Variants in TRDN observed in about 807,000 individuals in gnomAD.
The protein encoded by TRDN is triadin, also known as triadin in skeletal muscle.
Under a neutral mutation model 149.7 loss-of-function variants are expected in TRDN, and 161 were observed. The ratio of observed to expected loss-of-function variants is 1.08; its 90% CI spans 0.95 to 1.23. TRDN has a LOEUF of 1.23. Among genes scored for constraint, TRDN ranks in the 50% most tolerant of loss-of-function variants. The pLI is 0.00. For synonymous variants in TRDN, 294 were observed against 250.5 expected, an observed-to-expected ratio of 1.17 and a Z score of -1.64; for missense variants, 896 against 823.5, an observed-to-expected ratio of 1.09 and a Z score of -1.08.
chr6:123,260,564 C>G, intron 34 of TRDN, 48 bp downstream of exon 34: 1 of 1,445,054 alleles, frequency 6.9e-7, no homozygotes. Context: ...AATTTACATA[C>G]TGTTTCCACA....
Position 123,230,531 on chromosome 6 carries a change from TATAATA to T in TRDN, c.1976-6406_1976-6401del, listed in dbSNP as rs72156427. 4.5e-4 allele frequency among the ~76,000 whole-genome samples: 67 copies of T among 148,676 alleles called. 1 individual carries two copies. Among genetic ancestry groups the T allele is most frequent in the African/African-American group, 1.1e-3 (46 of 40,578 alleles). ...TGCACATATACCCTAGAACTTAAAG[TATAATA>T]ATAATAATAATAATAATAAAAAGAA... On this transcript the variant is annotated intron_variant, in intron 38 of 40. Transcript: ENST00000334268.
intron 9 of TRDN, chr6:123,470,234 T>G (rs1277251417): frequency 1.3e-5 from 2 of 152,194 alleles, no homozygotes; most frequent in Non-Finnish European, 2.9e-5. Flanking sequence ...GATACAATAA[T>G]GTATATGATG....
chr6:123,542,834 TTCTC>T (rs912697613), intron 4 of TRDN, among the ~76,000 whole-genome samples: 3 of 149,296 alleles, frequency 2.0e-5, no homozygotes, highest in Non-Finnish European at 3.0e-5. Context: ...CCCTTTTTCT[TTCTC>T]TCTGAGTGTG....
rs79374117 is a variant in TRDN at position 123,442,640 on chromosome 6, G to A, written c.932-3637C>T. Among the ~76,000 whole-genome samples, 511 of 151,594 alleles carry A rather than the reference G, an allele frequency of 3.4e-3. 22 individuals are homozygous for A. In the East Asian group the frequency reaches 0.091, roughly 27 times the overall value. Reference sequence around the variant, plus strand: ...CTAAAATGCCTGGAACAGAGTAGATGTAGAAAAATAATGATAATAATGACA... The same window carrying A: ...CTAAAATGCCTGGAACAGAGTAGATATAGAAAAATAATGATAATAATGACA... On this transcript the variant is annotated intron_variant, in intron 10 of 40. Coordinates refer to ENST00000334268, the MANE Select transcript of TRDN (RefSeq NM_006073.4).
At chr6:123,472,054 C>A (rs1777181495) in intron 9 of TRDN, among the ~76,000 whole-genome samples, 1 of 152,186 alleles carries the variant, frequency 6.6e-6, no homozygotes, top group South Asian at 2.1e-4. Flanking sequence ...AAAGGTCATG[C>A]ATTGAGAACA....
intron 12 of TRDN, among the ~76,000 whole-genome samples, chr6:123,414,819 T>C (rs1209205777): frequency 1.3e-5 from 2 of 152,272 alleles, no homozygotes; most frequent in East Asian, 1.9e-4. Flanking sequence ...CCTAGGATTA[T>C]TACTGATTTC....
In TRDN at chr6:123,548,503, G is replaced by C; in HGVS notation, c.342C>G (p.Ile114Met). The C allele has an allele frequency of 6.3e-7, 1 of 1,578,112 alleles. No individual in the cohort carries two copies. Among genetic ancestry groups the C allele is most frequent in the Non-Finnish European group, 8.6e-7 (1 of 1,161,114 alleles). ...YGFFSLLSDI[I>M]SSEDEEDDDG... ...CATCATCTTCTTCATCTTCAGATGA[G>C]ATGATGTCAGATAACAAAGAAAAGA... The change falls in exon 3 of 41, where the codon ATC becomes ATG. Residue 114 changes from isoleucine to methionine, a missense_variant. By Grantham distance (10) the Ile-to-Met change is conservative (BLOSUM62 1). Coordinates refer to ENST00000334268, the MANE Select transcript of TRDN (RefSeq NM_006073.4).
At chr6:123,289,423 C>G (rs1008856543) in intron 24 of TRDN, among the ~76,000 whole-genome samples, 2 of 151,812 alleles carry the variant, frequency 1.3e-5, no homozygotes, top group Admixed American at 6.6e-5. Context: ...GTTCTCATGG[C>G]GATCACAGTC....
chr6:123,227,455 A>G (rs1027380181), intron 38 of TRDN, among the ~76,000 whole-genome samples: 1 of 151,852 alleles, frequency 6.6e-6, no homozygotes, highest in African/African-American at 2.4e-5. Context: ...TCAATTCTCT[A>G]TGGGTTGAAC....
At chr6:123,593,542 C>A (rs1372163201) in intron 1 of TRDN, among the ~76,000 whole-genome samples, 2 of 152,194 alleles carry the variant, frequency 1.3e-5, no homozygotes, top group Non-Finnish European at 2.9e-5. Flanking sequence ...TGATAGGGTT[C>A]TTTCTGAGGC....
chr6:123,302,688 G>C (rs1369483826), intron 24 of TRDN, among the ~76,000 whole-genome samples: 1 of 152,142 alleles, frequency 6.6e-6, no homozygotes, highest in Non-Finnish European at 1.5e-5. Flanking sequence ...TGTGGCAAGA[G>C]AGAAGCTTGA....
intron 9 of TRDN, among the ~76,000 whole-genome samples, chr6:123,491,203 C>G (rs1442509852): frequency 6.7e-6 from 1 of 149,196 alleles, no homozygotes; most frequent in South Asian, 2.2e-4. Flanking sequence ...TTCTTTTCAA[C>G]AAAATTATGG....
rs1010474438 is a variant in TRDN at position 123,529,068 on chromosome 6, C to G, written c.484+1438G>C. 19 of 1,424,996 alleles carry G rather than the reference C, an allele frequency of 1.3e-5. No homozygotes were observed. The Admixed American group carries it at 5.3e-4, about 40-fold the overall frequency. The allele number at this position is 1,424,996 out of a possible 1,614,324, so 88.3% of individuals were successfully genotyped here. ...CTGCTCGGTCTTTGACATCAGAATT[C>G]TAATATAGCCAGGTCCAAAATGCAA... On this transcript the variant is annotated intron_variant, in intron 5 of 40. Coordinates refer to ENST00000334268, the MANE Select transcript of TRDN (RefSeq NM_006073.4).
chr6:123,358,648 T>TGTTTTGTTTC (rs1780785544), intron 20 of TRDN, among the ~76,000 whole-genome samples: 1 of 151,776 alleles, frequency 6.6e-6, no homozygotes, highest in South Asian at 2.1e-4. Flanking sequence ...TGTATTGTTT[T>TGTTTTGTTTC]GTTTTGTTTG....
intron 1 of TRDN, among the ~76,000 whole-genome samples, chr6:123,634,297 C>T (rs974094644): frequency 1.3e-5 from 2 of 151,384 alleles, no homozygotes; most frequent in African/African-American, 4.9e-5. Context: ...AAAAATTAGC[C>T]AGGCATGGTG....
At chr6:123,373,673 C>A (rs956493844) in intron 19 of TRDN, among the ~76,000 whole-genome samples, 3 of 151,996 alleles carry the variant, frequency 2.0e-5, no homozygotes, top group Non-Finnish European at 2.9e-5. Context: ...TGACTTTAAC[C>A]CTGTCAATCT....
At chr6:123,503,608 C>T (rs756484646) in intron 8 of TRDN, 111 bp downstream of exon 8, 20 of 1,527,578 alleles carry the variant, frequency 1.3e-5, no homozygotes, top group Non-Finnish European at 1.7e-5. Flanking sequence ...ATGTCTTTTA[C>T]CCCCATTTGA....
chr6:123,542,803 G>A (rs1347391681), intron 4 of TRDN, among the ~76,000 whole-genome samples: 2 of 150,656 alleles, frequency 1.3e-5, no homozygotes, highest in South Asian at 4.2e-4. Flanking sequence ...TTGGGTTTTC[G>A]CTCTCTCTCT....
intron 4 of TRDN, among the ~76,000 whole-genome samples, chr6:123,546,426 C>T (rs1202989453): frequency 6.6e-6 from 1 of 152,014 alleles, no homozygotes; most frequent in Admixed American, 6.6e-5. Flanking sequence ...AAGGCTGAAA[C>T]TGTAAGTTTG....
Sources: gnomAD v4.1 joint callset for allele counts (sites outside exome capture counted in the v4.1 genomes callset) on GRCh38, gnomAD v4.1.1 for gene constraint, MANE v1.5 for transcripts, NCBI Gene and HGNC (gene_info 2026-07-23, HGNC 2026-07-21) for gene names.